Variants in CDH18 observed in about 807,000 individuals in gnomAD.
The protein encoded by CDH18 is cadherin 18.
Under a neutral mutation model 67.9 loss-of-function variants are expected in CDH18, and 31 were observed. That is an observed-to-expected ratio of 0.46 (90% CI 0.34 to 0.62). CDH18 has a LOEUF of 0.62. CDH18 is among the 20% of genes least tolerant of loss of function. CDH18 has a pLI of 0.01. For missense variants in CDH18, 890 were observed against 975.5 expected (o/e 0.91, Z 1.17); for synonymous variants, 362 against 347.2 (o/e 1.04, Z -0.48).
chr5:20,423,150 G>A (rs1157652127), intron 1 of CDH18, among the ~76,000 whole-genome samples: 1 of 151,298 alleles, frequency 6.6e-6, no homozygotes, highest in African/African-American at 2.5e-5. Flanking sequence ...TGGAACCTTT[G>A]GTCTCCTTCT....
intron 8 of CDH18, among the ~76,000 whole-genome samples, chr5:19,558,154 TG>T (rs1421636834): frequency 6.6e-6 from 1 of 151,842 alleles, no homozygotes; most frequent in Non-Finnish European, 1.5e-5. Flanking sequence ...TGGTGCCAAG[TG>T]GAAAGTTCAC....
chr5:20,259,630 C>T (rs900006931), intron 1 of CDH18, among the ~76,000 whole-genome samples: 1 of 152,092 alleles, frequency 6.6e-6, no homozygotes, highest in Non-Finnish European at 1.5e-5. Flanking sequence ...ATAGAACATA[C>T]AAAATATGTG....
intron 2 of CDH18, among the ~76,000 whole-genome samples, chr5:20,108,812 G>T (rs187309124): frequency 6.6e-6 from 1 of 152,084 alleles, no homozygotes; most frequent in East Asian, 1.9e-4. Flanking sequence ...TCTGGTTGCT[G>T]GACACAGACT....
intron 1 of CDH18, among the ~76,000 whole-genome samples, chr5:20,497,140 G>A (rs1474510010): frequency 6.6e-6 from 1 of 152,050 alleles, no homozygotes; most frequent in Non-Finnish European, 1.5e-5. Flanking sequence ...AAAGGCCAAT[G>A]AAGCTGGGGT....
chr5:19,662,985 A>G (rs985955523), intron 5 of CDH18, among the ~76,000 whole-genome samples: 9 of 152,044 alleles, frequency 5.9e-5, no homozygotes, highest in African/African-American at 1.9e-4. Flanking sequence ...GCCCGCTTAA[A>G]GTTCCTGTTT....
At chr5:20,111,291 C>T (rs977753674) in intron 2 of CDH18, among the ~76,000 whole-genome samples, 5 of 152,068 alleles carry the variant, frequency 3.3e-5, no homozygotes, top group Admixed American at 6.6e-5. Flanking sequence ...CTAATGTATA[C>T]GCATTTTGTA....
chr5:20,329,720 A>G (rs565510512), intron 1 of CDH18, among the ~76,000 whole-genome samples: 111 of 132,406 alleles, frequency 8.4e-4, no homozygotes, highest in Non-Finnish European at 1.5e-3. Flanking sequence ...CAGTGAGCCA[A>G]GTTTGCGCCA....
chr5:19,631,831 C>T (rs1194847089), intron 5 of CDH18, among the ~76,000 whole-genome samples: 2 of 152,064 alleles, frequency 1.3e-5, no homozygotes, highest in East Asian at 3.9e-4. Flanking sequence ...GTCTCTTTTA[C>T]TTGGCAATTC....
At chr5:19,558,659 T>TACCAACAACAAAAAAAAGTC (rs1738885398) in intron 8 of CDH18, among the ~76,000 whole-genome samples, 2 of 151,756 alleles carry the variant, frequency 1.3e-5, no homozygotes, top group Admixed American at 1.3e-4. Flanking sequence ...ATTAAAAAGT[T>TACCAACAACAAAAAAAAGTC]ACCAACAACA....
At chr5:19,760,198 T>C (rs1366013779) in intron 3 of CDH18, among the ~76,000 whole-genome samples, 5 of 152,128 alleles carry the variant, frequency 3.3e-5, no homozygotes, top group Non-Finnish European at 7.3e-5. Context: ...TTAAATTTTA[T>C]AGTTGAATAA....
At chr5:20,207,444 G>T (rs1739989465) in intron 2 of CDH18, among the ~76,000 whole-genome samples, 1 of 151,954 alleles carries the variant, frequency 6.6e-6, no homozygotes, top group Non-Finnish European at 1.5e-5. Flanking sequence ...AGACATACAA[G>T]AGACTGGGCA....
At chr5:20,056,468 TCTTTCTTTTG>T (rs1741954658) in intron 2 of CDH18, among the ~76,000 whole-genome samples, 2 of 143,770 alleles carry the variant, frequency 1.4e-5, no homozygotes, top group African/African-American at 2.5e-5. Flanking sequence ...TTCTTTATTT[TCTTTCTTTTG>T]TTTTTTTTTT....
chr5:20,224,855 AT>A (rs1250982314), intron 2 of CDH18, among the ~76,000 whole-genome samples: 2 of 152,106 alleles, frequency 1.3e-5, no homozygotes, highest in Admixed American at 1.3e-4. Context: ...TTAATATTAT[AT>A]TGTGTCACAA....
At chr5:20,256,933 GTATCTATC>G (rs11272126) in intron 1 of CDH18, among the ~76,000 whole-genome samples, 7 of 120,846 alleles carry the variant, frequency 5.8e-5, no homozygotes, top group Non-Finnish European at 8.8e-5. Flanking sequence ...TAGCTTGGTG[GTATCTATC>G]TATCTATCTA....
intron 1 of CDH18, among the ~76,000 whole-genome samples, chr5:20,255,963 CAA>C (rs1434701000): frequency 2.0e-5 from 3 of 151,344 alleles, no homozygotes; most frequent in Admixed American, 2.0e-4. Flanking sequence ...CACTTTCAAA[CAA>C]AGAGAATATG....
chr5:19,964,940 T>A (rs1016097125), intron 2 of CDH18, among the ~76,000 whole-genome samples: 1 of 152,134 alleles, frequency 6.6e-6, no homozygotes, highest in Non-Finnish European at 1.5e-5. Flanking sequence ...GATATTGAAA[T>A]ACTTAAGTTT....
At position 19,997,973 on chromosome 5, in the gene CDH18, G is replaced by T. The variant is rs540415745; in HGVS notation, c.-517-5959C>A. On this transcript the variant is annotated intron_variant, in intron 2 of 14. Transcript: ENST00000507958. ...TGTTTAAAGATGTTCATAAAACCTTGTATACAAAAAGAAAGTCAGGTAGAA... is the reference window on the plus strand; with the variant it reads ...TGTTTAAAGATGTTCATAAAACCTTTTATACAAAAAGAAAGTCAGGTAGAA... 2.0e-5 allele frequency among the ~76,000 whole-genome samples: 3 copies of T among 152,210 alleles called. No individual in the cohort carries two copies. The East Asian group carries it at 5.8e-4, about 29-fold the overall frequency.
At chr5:19,787,079 A>G (rs1403267591) in intron 3 of CDH18, among the ~76,000 whole-genome samples, 1 of 152,198 alleles carries the variant, frequency 6.6e-6, no homozygotes, top group Non-Finnish European at 1.5e-5. Context: ...AGGTACCTCT[A>G]TAGAAAGGAA....
chr5:20,149,774 G>C (rs1418857048), intron 2 of CDH18, among the ~76,000 whole-genome samples: 1 of 152,022 alleles, frequency 6.6e-6, no homozygotes, highest in Non-Finnish European at 1.5e-5. Context: ...TATGATCTTT[G>C]CTGTCCACAT....
Sources: allele counts gnomAD v4.1 joint callset (sites outside exome capture counted in the v4.1 genomes callset), GRCh38; gene constraint gnomAD v4.1.1; transcripts MANE v1.5; gene names NCBI Gene and HGNC (gene_info 2026-07-23, HGNC 2026-07-21).